The following SUMF1 variants were observed in gnomAD, a reference collection of about 807,000 sequenced individuals.
The protein encoded by SUMF1 is formylglycine-generating enzyme.
Under a neutral mutation model 47.6 loss-of-function variants are expected in SUMF1, and 48 were observed. The ratio of observed to expected loss-of-function variants is 1.01; its 90% CI spans 0.80 to 1.28. The LOEUF (loss-of-function observed/expected upper bound fraction) is 1.28, where lower values mean the gene tolerates loss of function less well. Ranked by LOEUF, SUMF1 falls within the 50% of genes most tolerant of loss-of-function variation. The probability of loss-of-function intolerance (pLI) is 0.00; values close to 1 mark genes in which losing one functional copy is unlikely to be tolerated. For synonymous variants in SUMF1, 230 were observed against 192.1 expected (o/e 1.20, Z -1.63); for missense variants, 571 against 485.4 (o/e 1.18, Z -1.66).
intron 8 of SUMF1, among the ~76,000 whole-genome samples, chr3:4,241,636 C>G (rs1696539519): frequency 1.3e-5 from 2 of 152,032 alleles, no homozygotes; most frequent in Non-Finnish European, 2.9e-5. Context: ...TTTGTTTGGC[C>G]TCCATAGCCA....
chr3:4,282,796 G>A (rs906101498), intron 8 of SUMF1, among the ~76,000 whole-genome samples: 61 of 152,190 alleles, frequency 4.0e-4, no homozygotes, highest in African/African-American at 1.3e-3. Flanking sequence ...TTTCTCCCAT[G>A]ACTGCCTTTG....
At chr3:4,242,868 C>G (rs1362717238) in intron 8 of SUMF1, among the ~76,000 whole-genome samples, 1 of 152,148 alleles carries the variant, frequency 6.6e-6, no homozygotes, top group Admixed American at 6.5e-5. Flanking sequence ...CCTCTTTGTA[C>G]CTCTGGTAGA....
intron 3 of SUMF1, among the ~76,000 whole-genome samples, chr3:4,428,526 T>C (rs1175166978): frequency 2.0e-5 from 3 of 152,076 alleles, no homozygotes; most frequent in African/African-American, 4.8e-5. Context: ...GCTAATTTTT[T>C]CAATTTTTGT....
At chr3:4,161,296 AACT>A (rs1414346803) in intron 8 of SUMF1, among the ~76,000 whole-genome samples, 2 of 152,124 alleles carry the variant, frequency 1.3e-5, no homozygotes, top group Admixed American at 6.5e-5. Context: ...CTTGCCCAGT[AACT>A]ACTACCTGGC....
intron 8 of SUMF1, among the ~76,000 whole-genome samples, chr3:4,178,973 C>A (rs993223640): frequency 2.0e-5 from 3 of 152,100 alleles, no homozygotes; most frequent in Non-Finnish European, 2.9e-5. Context: ...ACCCAGGAAT[C>A]CAACTTACAA....
At chr3:4,184,963 A>T (rs1447285865) in intron 8 of SUMF1, among the ~76,000 whole-genome samples, 3 of 152,010 alleles carry the variant, frequency 2.0e-5, no homozygotes. Flanking sequence ...ATATGCTTTT[A>T]AAAAGGTCTC....
downstream of SUMF1, among the ~76,000 whole-genome samples, chr3:4,357,429 G>A (rs1403384803): frequency 6.6e-6 from 1 of 151,514 alleles, no homozygotes; most frequent in Non-Finnish European, 1.5e-5. Context: ...ATTAGCAAGA[G>A]AATTAGAATA....
At chr3:4,110,489 C>A (rs1469880822) in intron 8 of SUMF1, among the ~76,000 whole-genome samples, 1 of 152,066 alleles carries the variant, frequency 6.6e-6, no homozygotes, top group Non-Finnish European at 1.5e-5. Context: ...CATCCCATTA[C>A]TGGGTATATA....
chr3:4,402,762 T>C (rs1026534230), intron 7 of SUMF1, among the ~76,000 whole-genome samples: 13 of 152,312 alleles, frequency 8.5e-5, no homozygotes, highest in Non-Finnish European at 1.3e-4. Context: ...AGAGTTGAGA[T>C]AGGCATTGCA....
chr3:4,101,486 G>A (rs558984367), intron 8 of SUMF1, among the ~76,000 whole-genome samples: 1 of 152,190 alleles, frequency 6.6e-6, no homozygotes, highest in South Asian at 2.1e-4. Flanking sequence ...TACCAGATCT[G>A]GGGGTGGAGA....
At chr3:4,407,215 T>C (rs886242995) in intron 7 of SUMF1, among the ~76,000 whole-genome samples, 1 of 152,138 alleles carries the variant, frequency 6.6e-6, no homozygotes, top group African/African-American at 2.4e-5. Context: ...GCTTTTGCCA[T>C]AAATGACTGC....
intron 8 of SUMF1, among the ~76,000 whole-genome samples, chr3:4,070,960 A>T (rs1313264257): frequency 6.6e-6 from 1 of 152,110 alleles, no homozygotes; most frequent in Non-Finnish European, 1.5e-5. Context: ...CTCAACAGTA[A>T]GCTTAAGGCA....
chr3:4,307,486 A>G (rs1698236908), intron 8 of SUMF1, among the ~76,000 whole-genome samples: 2 of 152,226 alleles, frequency 1.3e-5, no homozygotes, highest in Non-Finnish European at 2.9e-5. Context: ...AGTTCATGCT[A>G]TTAACAGTAA....
chr3:4,454,555 T>C (rs375964715), intron 1 of SUMF1, among the ~76,000 whole-genome samples: 19 of 152,234 alleles, frequency 1.2e-4, no homozygotes, highest in African/African-American at 4.6e-4. Flanking sequence ...AAGAGTTATA[T>C]GACCCTGCAG....
intron 1 of SUMF1, among the ~76,000 whole-genome samples, chr3:4,456,852 GTA>G (rs1242749966): frequency 1.1e-5 from 1 of 94,892 alleles, no homozygotes; most frequent in African/African-American, 3.6e-5. Flanking sequence ...ATACGTGTGT[GTA>G]TATATATGTG....
chr3:4,125,976 C>G (rs1240412611), intron 8 of SUMF1, among the ~76,000 whole-genome samples: 1 of 152,072 alleles, frequency 6.6e-6, no homozygotes, highest in African/African-American at 2.4e-5. Flanking sequence ...CATGCCCAAC[C>G]ATCACTTATT....
intron 6 of SUMF1, among the ~76,000 whole-genome samples, chr3:4,415,441 A>G (rs1049565253): frequency 6.6e-6 from 1 of 150,414 alleles, no homozygotes; most frequent in African/African-American, 2.5e-5. Flanking sequence ...TAATTCAACC[A>G]TATATCTGAA....
At chr3:4,344,675 G>A (rs1699338256) in intron 8 of SUMF1, among the ~76,000 whole-genome samples, 1 of 152,108 alleles carries the variant, frequency 6.6e-6, no homozygotes, top group African/African-American at 2.4e-5. Flanking sequence ...AGAACTGAAT[G>A]GAGGATCAGA....
At chr3:4,171,005 C>G (rs149220788) in intron 8 of SUMF1, among the ~76,000 whole-genome samples, 33 of 152,192 alleles carry the variant, frequency 2.2e-4, no homozygotes, top group Non-Finnish European at 4.6e-4. Flanking sequence ...CACCCAAACT[C>G]TGCATTTGCA....
Sources: allele counts gnomAD v4.1 joint callset (sites outside exome capture counted in the v4.1 genomes callset), GRCh38; gene constraint gnomAD v4.1.1; transcripts MANE v1.5; gene names NCBI Gene and HGNC (gene_info 2026-07-23, HGNC 2026-07-21).